LRP2: variants seen among roughly 807,000 people sequenced by gnomAD.
The protein encoded by LRP2 is low-density lipoprotein receptor-related protein 2.
LRP2 carries 172 observed loss-of-function variants against 531.0 expected under a neutral mutation model. The observed-to-expected ratio is 0.32, with a 90% CI of 0.29 to 0.37. The LOEUF is 0.37. Ranked by LOEUF, LRP2 falls within the 10% of genes least tolerant of loss-of-function variation. The pLI, the probability that LRP2 is intolerant of heterozygous loss-of-function variation, is 1.00. For missense variants in LRP2, 5,167 were observed against 5,868.3 expected (o/e 0.88, Z 3.90); for synonymous variants, 1,992 against 2,027.6 (o/e 0.98, Z 0.47).
chr2:169,198,905 C>T lies in LRP2; in HGVS notation c.8459G>A (p.Arg2820His), dbSNP rs149781950. 5.6e-6 allele frequency: 9 copies of T among 1,612,890 alleles called. No individual in the cohort carries two copies. Among genetic ancestry groups the T allele is most frequent in the Middle Eastern group, 1.6e-4 (1 of 6,084 alleles). Reference protein sequence around the residue: ...NTSDEKNCPDRTCQSGYTKCH... With the variant: ...NTSDEKNCPDHTCQSGYTKCH... ...TTTTGTGTATCCAGACTGGCAAGTGCGATCAGCTTGAAAAAGACAACCAGA... is the reference window on the plus strand; with the variant it reads ...TTTTGTGTATCCAGACTGGCAAGTGTGATCAGCTTGAAAAAGACAACCAGA... Residue 2820 changes from arginine to histidine, a missense_variant, in exon 45 of 79, where the codon CGC (arginine) becomes CAC (histidine). By Grantham distance (29) the Arg-to-His change is conservative (BLOSUM62 0). This residue lies in a region of LRP2 where 1,129 missense variants were observed against 1,362.7 expected (regional missense o/e 0.83). Coordinates refer to ENST00000649046, the MANE Select transcript of LRP2 (RefSeq NM_004525.3).
intron 56 of LRP2, 70 bp from the exon 57 acceptor site, chr2:169,173,294 GGTT>G (rs1288098282): frequency 1.3e-6 from 2 of 1,588,160 alleles, no homozygotes; most frequent in Non-Finnish European, 1.7e-6. Flanking sequence ...GTCACATTGA[GGTT>G]GTGGTACTGA....
At chr2:169,186,074 A>G in intron 49 of LRP2, 55 bp from the exon 50 acceptor site, 1 of 1,504,236 alleles carries the variant, frequency 6.6e-7, no homozygotes, top group Admixed American at 1.7e-5. Context: ...CCAACTCACT[A>G]TAATGGTTCA....
chr2:169,228,918 C>T (rs1689298823), intron 31 of LRP2, among the ~76,000 whole-genome samples: 1 of 152,192 alleles, frequency 6.6e-6, no homozygotes, highest in Admixed American at 6.5e-5. Context: ...ACACTGCACA[C>T]ATTTCTACGG....
chr2:169,177,029 TC>T (rs1687221560), intron 53 of LRP2, among the ~76,000 whole-genome samples: 1 of 152,252 alleles, frequency 6.6e-6, no homozygotes, highest in Non-Finnish European at 1.5e-5. Context: ...TTACTAATTT[TC>T]CTGGTCACCA....
chr2:169,222,147 C>A (rs1171910874), intron 33 of LRP2, among the ~76,000 whole-genome samples: 2 of 152,152 alleles, frequency 1.3e-5, no homozygotes, highest in African/African-American at 4.8e-5. Flanking sequence ...GACTTACTTA[C>A]AATTTAAATG....
chr2:169,264,150 C>T (rs939202431), intron 16 of LRP2, among the ~76,000 whole-genome samples: 4 of 151,836 alleles, frequency 2.6e-5, no homozygotes, highest in East Asian at 1.9e-4. Context: ...TGCTAGATGA[C>T]GAGTTAGTGG....
rs11891223 is a variant in LRP2, at chr2:169,331,460, G to C, written c.80-10576C>G. Among the ~76,000 whole-genome samples the C allele has an allele frequency of 2.0e-3, 298 of 152,260 alleles. 1 individual carries two copies. The highest frequency in any genetic ancestry group is 6.8e-3 in the African/African-American group (284 of 41,554). ...GTCTTTTCTGTGCTCCCCCTGAATA[G>C]CTCATGCAGTGCCTCCTCTATCAGC... is the stretch of plus-strand genomic sequence containing the variant. On this transcript the variant is annotated intron_variant, in intron 1 of 78. Transcript: ENST00000649046.
intron 70 of LRP2, among the ~76,000 whole-genome samples, chr2:169,144,445 CGG>C (rs1558976390): frequency 1.0e-4 from 15 of 148,958 alleles, no homozygotes; most frequent in Non-Finnish European, 1.5e-4. Context: ...CATCAGCTGC[CGG>C]AGGGAGATGC....
At position 169,201,743 on chromosome 2, in the gene LRP2, G is replaced by A. The variant is rs768277763; in HGVS notation, c.8337C>T (p.Asp2779=). The A allele has an allele frequency of 1.2e-6, 2 of 1,614,214 alleles. No individual in the cohort carries two copies. The highest frequency in any genetic ancestry group is 3.3e-5 in the Admixed American group (2 of 60,022). The change falls in exon 44 of 79, where the codon GAC becomes GAT. Residue 2779 remains aspartate (D), a synonymous_variant. Transcript: ENST00000649046. ...ACATAAACTCCGTGGTGGCATTGCA[G>A]TCCCTGAACAGGCACCCTGCCTCAT... ...GSDEAGCLFR[D]CNATTEFMCN... is the part of the protein sequence containing the mutation.
intron 17 of LRP2, among the ~76,000 whole-genome samples, chr2:169,257,657 C>T (rs1432174275): frequency 6.6e-6 from 1 of 151,928 alleles, no homozygotes; most frequent in Non-Finnish European, 1.5e-5. Flanking sequence ...CATTCAGGAT[C>T]CTCTAGTCAT....
At chr2:169,241,422 T>G (rs1371958151) in intron 24 of LRP2, 57 bp from the exon 25 acceptor site, 1 of 1,588,344 alleles carries the variant, frequency 6.3e-7, no homozygotes, top group Admixed American at 1.7e-5. Context: ...ATCCCTTTTA[T>G]AGTCTAGACT....
intron 3 of LRP2, among the ~76,000 whole-genome samples, chr2:169,318,138 T>G (rs1022898498): frequency 3.9e-5 from 6 of 151,990 alleles, no homozygotes; most frequent in Non-Finnish European, 8.8e-5. Context: ...ATTAAAACAG[T>G]CTTTTCCAGT....
intron 6 of LRP2, among the ~76,000 whole-genome samples, chr2:169,292,824 C>T (rs1684031878): frequency 3.3e-5 from 3 of 92,082 alleles, no homozygotes. Flanking sequence ...CAGAGTGAGA[C>T]CCTGTCTCAA....
At chr2:169,235,232 G>A (rs1396178964) in intron 29 of LRP2, among the ~76,000 whole-genome samples, 1 of 129,972 alleles carries the variant, frequency 7.7e-6, no homozygotes, top group Non-Finnish European at 1.6e-5. Context: ...ATAAATTTTT[G>A]CTTGAAAAAA....
At chr2:169,141,925 A>G (rs1685734441) in intron 71 of LRP2, among the ~76,000 whole-genome samples, 1 of 152,172 alleles carries the variant, frequency 6.6e-6, no homozygotes, top group Admixed American at 6.5e-5. Context: ...GAATGAGTCA[A>G]AGGGTGGTTC....
chr2:169,133,147 G>C (rs754004327), intron 76 of LRP2, among the ~76,000 whole-genome samples: 1 of 152,004 alleles, frequency 6.6e-6, no homozygotes, highest in Non-Finnish European at 1.5e-5. Flanking sequence ...TCCTATCTTC[G>C]GAAATTAAGA....
In LRP2 at chr2:169,201,759, C is replaced by A. The variant is rs761347190; in HGVS notation, c.8321G>T (p.Gly2774Val). The change falls in exon 44 of 79, where the codon GGG becomes GTG. Residue 2774 changes from glycine to valine, a missense_variant. Gly to Val is a moderately radical substitution (Grantham distance 109, BLOSUM62 -3). Around this residue, in one of 6 missense-constraint regions of LRP2, gnomAD observed 1,129 missense variants for 1,362.7 expected, o/e 0.83. Coordinates refer to ENST00000649046, the MANE Select transcript of LRP2 (RefSeq NM_004525.3). ...GGCATTGCAGTCCCTGAACAGGCAC[C>A]CTGCCTCATCACTGCCATCACCACA... ...NDCGDGSDEAGCLFRDCNATT... is the reference protein window; with the variant it reads ...NDCGDGSDEAVCLFRDCNATT... 2 of 1,614,178 alleles carry A rather than the reference C, an allele frequency of 1.2e-6. No individual in the cohort carries two copies. The highest frequency in any genetic ancestry group is 8.5e-7 in the Non-Finnish European group (1 of 1,180,036).
intron 23 of LRP2, 104 bp from the exon 24 acceptor site, chr2:169,243,176 A>G (rs1689871861): frequency 2.0e-6 from 2 of 975,878 alleles, no homozygotes; most frequent in Non-Finnish European, 3.2e-6. Flanking sequence ...TGGAGTACAT[A>G]TGCAGAACAT....
chr2:169,334,924 A>G (rs1057259821), intron 1 of LRP2, among the ~76,000 whole-genome samples: 1 of 152,054 alleles, frequency 6.6e-6, no homozygotes, highest in South Asian at 2.1e-4. Context: ...CATTCCCACT[A>G]CTCATCTAAT....
Sources: gnomAD v4.1 joint callset for allele counts (sites outside exome capture counted in the v4.1 genomes callset) on GRCh38, gnomAD v4.1.1 for gene constraint, gnomAD v4.1.1 regional missense constraint, MANE v1.5 for transcripts, NCBI Gene and HGNC (gene_info 2026-07-23, HGNC 2026-07-21) for gene names.